The following ROBO1 variants were observed in gnomAD, a reference collection of about 807,000 sequenced individuals.
The protein encoded by ROBO1 is roundabout homolog 1.
A neutral mutation model predicts 195.9 loss-of-function variants in ROBO1; 149 were observed. The observed-to-expected ratio is 0.76, with a 90% CI of 0.67 to 0.87. The LOEUF (loss-of-function observed/expected upper bound fraction) is 0.87, where lower values mean the gene tolerates loss of function less well. ROBO1 is among the 40% of genes least tolerant of loss of function. The probability of loss-of-function intolerance (pLI) is 0.00; values close to 1 mark genes in which losing one functional copy is unlikely to be tolerated. For missense variants in ROBO1, 1,933 were observed against 2,068.3 expected (o/e 0.93, Z 1.27); for synonymous variants, 816 against 733.2 (o/e 1.11, Z -1.82).
intron 3 of ROBO1, among the ~76,000 whole-genome samples, chr3:78,969,530 T>C (rs534514264): frequency 6.9e-4 from 105 of 152,326 alleles, no homozygotes; most frequent in Middle Eastern, 3.4e-3. Context: ...AAAATGACTA[T>C]AATCTTAGTA....
chr3:79,039,736 G>T (rs994436117), intron 3 of ROBO1, among the ~76,000 whole-genome samples: 1 of 135,514 alleles, frequency 7.4e-6, no homozygotes, highest in South Asian at 2.3e-4. Context: ...GGGAGGCAGA[G>T]GTTGCAGGTG....
chr3:79,196,273 T>A (rs115118687), intron 2 of ROBO1, among the ~76,000 whole-genome samples: 7,971 of 146,856 alleles, frequency 0.054, 289 homozygotes, highest in Middle Eastern at 0.099. Context: ...GAGAAGAGTT[T>A]CTTTTTTTTT....
At chr3:78,618,111 G>C in intron 26 of ROBO1, 70 bp from the exon 27 acceptor site, 1 of 1,471,398 alleles carries the variant, frequency 6.8e-7, no homozygotes, top group Non-Finnish European at 9.1e-7. Context: ...AATTACCCAA[G>C]AAATTCACAA....
intron 3 of ROBO1, among the ~76,000 whole-genome samples, chr3:79,026,249 A>G (rs891719541): frequency 9.2e-5 from 14 of 152,060 alleles, no homozygotes; most frequent in African/African-American, 3.4e-4. Context: ...TCAGGAAAAA[A>G]TATTATTCGG....
chr3:79,700,702 C>A (rs1947597854), intron 1 of ROBO1, among the ~76,000 whole-genome samples: 1 of 151,698 alleles, frequency 6.6e-6, no homozygotes, highest in African/African-American at 2.4e-5. Context: ...GTGTCTTTTG[C>A]CTACTTTTTA....
Position 79,574,703 on chromosome 3 carries a change from G to A in ROBO1, c.88+15121C>T, listed in dbSNP as rs1943393497. Reference sequence around the variant, plus strand: ...CTTTAGTTGATATTTGTGGATCTGTGACTTTTACATCAAGTTAGTACACTC... The same window carrying A: ...CTTTAGTTGATATTTGTGGATCTGTAACTTTTACATCAAGTTAGTACACTC... On this transcript the variant is annotated intron_variant, in intron 2 of 30. Transcript: ENST00000464233. Among the ~76,000 whole-genome samples the A allele has an allele frequency of 2.0e-5, 3 of 151,630 alleles. No individual in the cohort carries two copies. The South Asian group carries it at 6.2e-4, about 31-fold the overall frequency.
chr3:78,820,633 T>G (rs146052609), intron 4 of ROBO1, among the ~76,000 whole-genome samples: 1 of 152,364 alleles, frequency 6.6e-6, no homozygotes, highest in Non-Finnish European at 1.5e-5. Context: ...AGACTCTGTG[T>G]TCTCCACTCT....
intron 2 of ROBO1, among the ~76,000 whole-genome samples, chr3:79,166,571 T>A (rs932763634): frequency 2.0e-5 from 3 of 149,922 alleles, no homozygotes; most frequent in Non-Finnish European, 4.4e-5. Context: ...TTTTTTTTTT[T>A]TTTTTTATTT....
rs1245379250 is a variant in ROBO1 at position 78,627,582 on chromosome 3, A to G, written c.3627-13T>C. ...TTCTTGGTCATAGCTAAAATAAATG[A>G]TAAGGATGTGTAGACTTACTTCAGG... is the stretch of plus-strand genomic sequence containing the variant. On this transcript the variant is annotated splice_polypyrimidine_tract_variant and intron_variant, in intron 25 of 30. Coordinates refer to ENST00000464233, the MANE Select transcript of ROBO1 (RefSeq NM_002941.4). The G allele has an allele frequency of 1.9e-6, 3 of 1,602,454 alleles. No homozygotes were observed. The highest frequency in any genetic ancestry group is 2.6e-6 in the Non-Finnish European group (3 of 1,173,968).
chr3:78,650,999 C>T (rs1485222661), intron 19 of ROBO1, among the ~76,000 whole-genome samples: 3 of 152,088 alleles, frequency 2.0e-5, no homozygotes, highest in African/African-American at 7.2e-5. Flanking sequence ...GAATAAAAAA[C>T]ACAAAAATAT....
rs544972385 is a variant in ROBO1 at position 79,457,815 on chromosome 3, C to T, written c.88+132009G>A. ...CATGTGGAGCTCTGAGTCCATTAAA[C>T]CTCTTTTTCTTTATAAATTACCCAG... On this transcript the variant is annotated intron_variant, in intron 2 of 30. Coordinates refer to ENST00000464233, the MANE Select transcript of ROBO1 (RefSeq NM_002941.4). Among the ~76,000 whole-genome samples, 574 of 152,232 alleles carry T rather than the reference C, an allele frequency of 3.8e-3. 2 individuals carry two copies. The highest frequency in any genetic ancestry group is 0.013 in the African/African-American group (549 of 41,550).
At chr3:79,283,108 T>A (rs898399995) in intron 2 of ROBO1, among the ~76,000 whole-genome samples, 1 of 152,242 alleles carries the variant, frequency 6.6e-6, no homozygotes, top group Admixed American at 6.5e-5. Context: ...TTCTAAATAA[T>A]TCTTTGTACC....
At chr3:79,563,449 G>A (rs1942989779) in intron 2 of ROBO1, among the ~76,000 whole-genome samples, 1 of 152,074 alleles carries the variant, frequency 6.6e-6, no homozygotes, top group Non-Finnish European at 1.5e-5. Context: ...TCATTTTAGT[G>A]AAGTGTGTTT....
chr3:78,816,061 ATTG>A (rs1283329630), intron 4 of ROBO1, among the ~76,000 whole-genome samples: 1 of 152,152 alleles, frequency 6.6e-6, no homozygotes, highest in Non-Finnish European at 1.5e-5. Flanking sequence ...CAAGACTTTC[ATTG>A]TTGTAGAGAT....
intron 1 of ROBO1, among the ~76,000 whole-genome samples, chr3:79,756,566 A>AT (rs1212680766): frequency 1.3e-5 from 2 of 151,952 alleles, no homozygotes; most frequent in African/African-American, 4.8e-5. Flanking sequence ...AAAAAAAAAA[A>AT]AAAAAAAGTA....
intron 5 of ROBO1, among the ~76,000 whole-genome samples, chr3:78,736,705 T>C (rs1454578339): frequency 1.3e-5 from 2 of 151,410 alleles, no homozygotes; most frequent in East Asian, 3.8e-4. Context: ...TCATCTAAAC[T>C]AATTTGTGTG....
intron 4 of ROBO1, among the ~76,000 whole-genome samples, chr3:78,819,445 CAA>C (rs5850394): frequency 8.1e-6 from 1 of 123,498 alleles, no homozygotes; most frequent in Non-Finnish European, 1.6e-5. Context: ...CCATATTCTA[CAA>C]AAAAAAAAAA....
In ROBO1 at chr3:79,109,986, C is replaced by T. The variant is rs1017625759; in HGVS notation, c.172+15470G>A. Reference sequence around the variant, plus strand: ...AATTATTAATAATACATGAAGCTTACTGCAGATGACCCCTACATTGGTATG... The same window carrying T: ...AATTATTAATAATACATGAAGCTTATTGCAGATGACCCCTACATTGGTATG... On this transcript the variant is annotated intron_variant, in intron 3 of 30. Transcript: ENST00000464233. Among the ~76,000 whole-genome samples the T allele has an allele frequency of 3.3e-5, 5 of 152,070 alleles. No homozygotes were observed. The East Asian group carries it at 9.6e-4, about 29-fold the overall frequency.
At chr3:78,734,633 A>G (rs2108210863) in intron 5 of ROBO1, among the ~76,000 whole-genome samples, 1 of 151,872 alleles carries the variant, frequency 6.6e-6, no homozygotes, top group Admixed American at 6.6e-5. Flanking sequence ...AAAAACCTCC[A>G]GAATCATCTC....
Sources: allele counts gnomAD v4.1 joint callset (sites outside exome capture counted in the v4.1 genomes callset), GRCh38; gene constraint gnomAD v4.1.1; transcripts MANE v1.5; gene names NCBI Gene and HGNC (gene_info 2026-07-23, HGNC 2026-07-21).